CDK14: variants seen among roughly 807,000 people sequenced by gnomAD.
CDK14 encodes cyclin dependent kinase 14.
In CDK14, 34 loss-of-function variants were observed where a neutral mutation model predicts 60.7. The observed-to-expected ratio is 0.56, with a 90% CI of 0.43 to 0.75. The LOEUF is 0.75. Among genes scored for constraint, CDK14 ranks in the 30% least tolerant of loss-of-function variants. The probability of loss-of-function intolerance (pLI) is 0.00; values close to 1 mark genes in which losing one functional copy is unlikely to be tolerated. For missense variants in CDK14, 482 were observed against 564.1 expected (o/e 0.85, Z 1.47); for synonymous variants, 197 against 203.7 (o/e 0.97, Z 0.28).
At chr7:90,649,497 C>T (rs933275641) in intron 2 of CDK14, among the ~76,000 whole-genome samples, 4 of 146,886 alleles carry the variant, frequency 2.7e-5, no homozygotes, top group Admixed American at 2.1e-4. Context: ...TTCTAGGGTA[C>T]GTGTGCACAA....
chr7:90,693,241 A>T (rs1801592106), intron 2 of CDK14, among the ~76,000 whole-genome samples: 2 of 152,162 alleles, frequency 1.3e-5, no homozygotes, highest in South Asian at 2.1e-4. Flanking sequence ...GGTCATTTTT[A>T]AAATTTAAAA....
intron 2 of CDK14, among the ~76,000 whole-genome samples, chr7:90,715,493 C>G (rs1198681920): frequency 6.6e-6 from 1 of 151,954 alleles, no homozygotes; most frequent in Admixed American, 6.6e-5. Flanking sequence ...GTCCCCTTCG[C>G]CAGCTTAGTT....
intron 14 of CDK14, among the ~76,000 whole-genome samples, chr7:91,127,115 C>T (rs1562916101): frequency 1.3e-5 from 2 of 152,048 alleles, no homozygotes; most frequent in African/African-American, 2.4e-5. Flanking sequence ...AAAGATAATA[C>T]CCAATAGGGA....
At chr7:91,177,998 A>G (rs1801837064) in intron 14 of CDK14, among the ~76,000 whole-genome samples, 2 of 122,356 alleles carry the variant, frequency 1.6e-5, no homozygotes, top group African/African-American at 6.2e-5. Context: ...AGCCCGCATC[A>G]CCAAGTCAAT....
intron 2 of CDK14, among the ~76,000 whole-genome samples, chr7:90,642,468 A>G (rs184270456): frequency 1.0e-3 from 152 of 152,240 alleles, no homozygotes; most frequent in African/African-American, 3.6e-3. Flanking sequence ...TTCTTTTGCT[A>G]CTTTCTTTGG....
intron 14 of CDK14, among the ~76,000 whole-genome samples, chr7:91,162,465 A>C (rs2115750638): frequency 6.6e-6 from 1 of 152,242 alleles, no homozygotes; most frequent in South Asian, 2.1e-4. Context: ...TGGAGGAACA[A>C]ATGGGAGGAA....
intron 2 of CDK14, among the ~76,000 whole-genome samples, chr7:90,633,235 G>A (rs1800045855): frequency 1.3e-5 from 2 of 152,092 alleles, no homozygotes; most frequent in Admixed American, 1.3e-4. Context: ...AACATGAGAG[G>A]ATGTTAGTCT....
chr7:91,027,790 C>T (rs1351811675), intron 10 of CDK14, among the ~76,000 whole-genome samples: 2 of 6,974 alleles, frequency 2.9e-4, no homozygotes, highest in Non-Finnish European at 5.0e-4. Context: ...CCCTCCCCTC[C>T]CCTCCCCTCC....
intron 2 of CDK14, among the ~76,000 whole-genome samples, chr7:90,634,388 T>C (rs1313272226): frequency 6.6e-6 from 1 of 150,558 alleles, no homozygotes; most frequent in Non-Finnish European, 1.5e-5. Flanking sequence ...ATGCAGTGTT[T>C]GGTTTTTTGT....
At chr7:90,678,982 C>T (rs537109302) in intron 2 of CDK14, among the ~76,000 whole-genome samples, 18 of 152,326 alleles carry the variant, frequency 1.2e-4, no homozygotes, top group African/African-American at 3.6e-4. Flanking sequence ...CAGGGTCTCA[C>T]TCTGTTGCCT....
chr7:91,156,051 T>C (rs1162865118), intron 14 of CDK14, among the ~76,000 whole-genome samples: 1 of 152,236 alleles, frequency 6.6e-6, no homozygotes, highest in Non-Finnish European at 1.5e-5. Flanking sequence ...ATCAGTTCGC[T>C]GTTATTACAT....
At chr7:90,999,557 C>G (rs975495005) in intron 10 of CDK14, among the ~76,000 whole-genome samples, 2 of 152,106 alleles carry the variant, frequency 1.3e-5, no homozygotes, top group African/African-American at 4.8e-5. Flanking sequence ...CCACTGCACT[C>G]CAGCCTGGGT....
At chr7:91,014,689 T>C (rs1001724993) in intron 10 of CDK14, among the ~76,000 whole-genome samples, 2 of 152,168 alleles carry the variant, frequency 1.3e-5, no homozygotes, top group African/African-American at 4.8e-5. Context: ...GTCATTAAAG[T>C]AGGTTAGCTG....
chr7:91,031,887 A>T (rs1020023651), intron 10 of CDK14, among the ~76,000 whole-genome samples: 27 of 152,218 alleles, frequency 1.8e-4, no homozygotes, highest in African/African-American at 6.3e-4. Context: ...GCACAGCAGC[A>T]CCTGCTGGGA....
intron 6 of CDK14, among the ~76,000 whole-genome samples, chr7:90,890,899 T>C (rs1368942125): frequency 1.3e-5 from 2 of 152,154 alleles, no homozygotes; most frequent in Non-Finnish European, 2.9e-5. Context: ...TAAAAACTAT[T>C]ATGAAAGGAT....
In CDK14 at chr7:90,936,104, T is replaced by A. The variant is rs77340975; in HGVS notation, c.826+18380T>A. Reference sequence around the variant, plus strand: ...GACATTGCTATCTTCTTTCTCTAATTTGGCCATGTTAACATATTTTTCACC... The same window carrying A: ...GACATTGCTATCTTCTTTCTCTAATATGGCCATGTTAACATATTTTTCACC... On this transcript the variant is annotated intron_variant, in intron 8 of 14. Transcript: ENST00000380050. Among the ~76,000 whole-genome samples the A allele has an allele frequency of 1.2e-3, 190 of 152,270 alleles. 3 individuals are homozygous for A. In the East Asian group the frequency reaches 0.027, roughly 21 times the overall value.
At chr7:90,848,468 A>G (rs954665704) in intron 5 of CDK14, among the ~76,000 whole-genome samples, 1 of 152,160 alleles carries the variant, frequency 6.6e-6, no homozygotes, top group Non-Finnish European at 1.5e-5. Context: ...TGGGAACTAG[A>G]CCTGACTCTT....
chr7:90,969,536 G>T (rs1180233682), intron 9 of CDK14, among the ~76,000 whole-genome samples: 2 of 152,126 alleles, frequency 1.3e-5, no homozygotes, highest in Admixed American at 6.5e-5. Context: ...TAATACATTT[G>T]CAGAGAGAAG....
intron 6 of CDK14, among the ~76,000 whole-genome samples, chr7:90,868,656 A>G (rs185440878): frequency 2.0e-4 from 30 of 152,314 alleles, no homozygotes; most frequent in African/African-American, 7.2e-4. Flanking sequence ...TAGAAATCAT[A>G]AAGCCCATAA....
Sources: gnomAD v4.1 joint callset for allele counts (sites outside exome capture counted in the v4.1 genomes callset) on GRCh38, gnomAD v4.1.1 for gene constraint, MANE v1.5 for transcripts, NCBI Gene and HGNC (gene_info 2026-07-23, HGNC 2026-07-21) for gene names.